ATXN1: variants seen among roughly 807,000 people sequenced by gnomAD.
ATXN1 encodes the protein ataxin-1.
In ATXN1, 8 loss-of-function variants were observed where a neutral mutation model predicts 56.4. That is an observed-to-expected ratio of 0.14 (90% CI 0.08 to 0.26). ATXN1 has a LOEUF of 0.26. Ranked by LOEUF, ATXN1 falls within the 10% of genes least tolerant of loss-of-function variation. ATXN1 has a pLI of 1.00. For missense variants in ATXN1, 987 were observed against 1,106.5 expected (o/e 0.89, Z 1.53); for synonymous variants, 514 against 494.6 (o/e 1.04, Z -0.52).
rs760749324 is a variant in ATXN1, at chr6:16,306,644, T to C, written c.2133A>G (p.Ser711=). ...VDPASVLLKH[S]KADGLAGSRH... is the part of the protein sequence containing the mutation. ...TGCTGCCCGCCAGGCCGTCGGCCTT[T>C]GAGTGCTTCAGCAGGACGCTGGCGG... The change falls in exon 8 of 8, where the codon TCA becomes TCG. Residue 711 remains serine, a synonymous_variant. Transcript: ENST00000436367. This position sits in a 1 kb window ranked among gnomAD's most constrained non-coding sequence, Gnocchi z 5.2. 7.4e-6 allele frequency: 12 copies of C among 1,614,232 alleles called. No homozygotes were observed. The highest frequency in any genetic ancestry group is 2.2e-5 in the South Asian group (2 of 91,090).
chr6:16,347,936 C>G (rs183907495), intron 6 of ATXN1, among the ~76,000 whole-genome samples: 1 of 152,180 alleles, frequency 6.6e-6, no homozygotes, highest in Admixed American at 6.5e-5. Context: ...ATCTATACTG[C>G]CTGTATGAGC....
intron 6 of ATXN1, among the ~76,000 whole-genome samples, chr6:16,429,432 T>G (rs1474418722): frequency 6.7e-6 from 1 of 148,328 alleles, no homozygotes; most frequent in African/African-American, 2.5e-5. Flanking sequence ...TTCGTTTTTT[T>G]TTTTTTTTTT....
intron 3 of ATXN1, among the ~76,000 whole-genome samples, chr6:16,654,167 T>C (rs1194998758): frequency 1.3e-5 from 2 of 152,204 alleles, no homozygotes; most frequent in Non-Finnish European, 2.9e-5. Context: ...TGTGCAATTG[T>C]GCTGATGGCA....
Position 16,306,543 on chromosome 6 carries a change from T to C in ATXN1, c.2234A>G (p.Lys745Arg). Reference sequence around the variant, plus strand: ...AGGCAATCCCATTTTCTCTGGAAACTTCAGTTCGCCATTCTCAGAGAGCAT... The same window carrying C: ...AGGCAATCCCATTTTCTCTGGAAACCTCAGTTCGCCATTCTCAGAGAGCAT... ...AQMLSENGEL[K>R]FPEKMGLPAA... is the part of the protein sequence containing the mutation. Residue 745 changes from lysine to arginine, a missense_variant, in exon 8 of 8, where the codon AAG becomes AGG. Around this residue, in one of 3 missense-constraint regions of ATXN1, gnomAD observed 196 missense variants for 196.7 expected, o/e 1.00. Coordinates refer to ENST00000436367, the MANE Select transcript of ATXN1 (RefSeq NM_001128164.2). The surrounding 1 kb of genome is among the most constrained non-coding windows in gnomAD (Gnocchi z 5.2). 1 of 1,614,212 alleles carries C rather than the reference T, an allele frequency of 6.2e-7. No homozygotes were observed. Among genetic ancestry groups the C allele is most frequent in the Non-Finnish European group, 8.5e-7 (1 of 1,180,022 alleles).
intron 6 of ATXN1, among the ~76,000 whole-genome samples, chr6:16,443,428 G>A (rs1759564452): frequency 6.6e-6 from 1 of 152,002 alleles, no homozygotes; most frequent in African/African-American, 2.4e-5. Context: ...AAGCCTCTTA[G>A]GAAGTCTCAA....
At chr6:16,624,317 CT>C (rs1763369844) in intron 3 of ATXN1, among the ~76,000 whole-genome samples, 1 of 148,048 alleles carries the variant, frequency 6.8e-6, no homozygotes, top group East Asian at 2.0e-4. Flanking sequence ...CACCATCACA[CT>C]CCAGCCTGGG....
intron 5 of ATXN1, among the ~76,000 whole-genome samples, chr6:16,491,000 C>T (rs1232170454): frequency 6.6e-6 from 1 of 150,856 alleles, no homozygotes; most frequent in African/African-American, 2.4e-5. Context: ...CTTCCCAGTA[C>T]AGAGAAAAGC....
At chr6:16,702,794 C>T (rs1348530335) in intron 2 of ATXN1, among the ~76,000 whole-genome samples, 1 of 152,166 alleles carries the variant, frequency 6.6e-6, no homozygotes, top group African/African-American at 2.4e-5. Flanking sequence ...CCATCTCACA[C>T]CAGTTAGAAT....
At chr6:16,666,520 C>CTT in intron 2 of ATXN1, 1 of 153,570 alleles carries the variant, frequency 6.5e-6, no homozygotes, top group Admixed American at 6.6e-5. Context: ...TTCTTTCTTT[C>CTT]TTTTTTTTTG....
At chr6:16,630,745 T>C (rs1408016012) in intron 3 of ATXN1, among the ~76,000 whole-genome samples, 1 of 152,216 alleles carries the variant, frequency 6.6e-6, no homozygotes, top group Non-Finnish European at 1.5e-5. Context: ...TAATGATACT[T>C]GTCAGAAGAT....
At chr6:16,435,216 G>C (rs1170144134) in intron 6 of ATXN1, among the ~76,000 whole-genome samples, 3 of 152,136 alleles carry the variant, frequency 2.0e-5, no homozygotes, top group Admixed American at 6.5e-5. Context: ...AGGTGACATT[G>C]TGATACCCCA....
chr6:16,385,516 C>T (rs975224922), intron 6 of ATXN1, among the ~76,000 whole-genome samples: 4 of 152,192 alleles, frequency 2.6e-5, no homozygotes, highest in African/African-American at 9.6e-5. Flanking sequence ...CATGGAGGAA[C>T]AGCATAGGGG....
At chr6:16,393,903 C>CTTTTTT (rs367640759) in intron 6 of ATXN1, among the ~76,000 whole-genome samples, 1 of 127,592 alleles carries the variant, frequency 7.8e-6, no homozygotes. Flanking sequence ...ATGGAATCAC[C>CTTTTTT]TTTTTTTTTT....
Position 16,306,313 on chromosome 6 carries a change from T to C in ATXN1, c.*16A>G. On this transcript the variant is annotated 3_prime_UTR_variant, in exon 8 of 8. Transcript: ENST00000436367. The surrounding 1 kb of genome is among the most constrained non-coding windows in gnomAD (Gnocchi z 5.2). ...ATGATAAGGGAGAGCCACGTTTCCT[T>C]TCCCCCACGCTGCCTCTACTTGCCT... The C allele has an allele frequency of 4.4e-6, 7 of 1,580,580 alleles. No individual in the cohort carries two copies. Among genetic ancestry groups the C allele is most frequent in the Non-Finnish European group, 6.0e-6 (7 of 1,165,842 alleles).
At chr6:16,377,262 A>G (rs1762158569) in intron 6 of ATXN1, among the ~76,000 whole-genome samples, 4 of 152,212 alleles carry the variant, frequency 2.6e-5, no homozygotes, top group Non-Finnish European at 5.9e-5. Flanking sequence ...TAGCAGTCCA[A>G]ATGGACTAAG....
intron 4 of ATXN1, among the ~76,000 whole-genome samples, chr6:16,559,371 C>CAA (rs377598266): frequency 1.9e-4 from 22 of 113,038 alleles, no homozygotes; most frequent in African/African-American, 6.2e-4. Context: ...TGGAAACAAC[C>CAA]AAAAAAAAAA....
chr6:16,545,384 A>G (rs546789570), intron 4 of ATXN1, among the ~76,000 whole-genome samples: 2 of 148,298 alleles, frequency 1.3e-5, no homozygotes, highest in South Asian at 2.1e-4. Context: ...TTGAGGAAGG[A>G]TTTCTTGTCT....
intron 6 of ATXN1, among the ~76,000 whole-genome samples, chr6:16,341,613 G>A (rs1761250857): frequency 6.6e-6 from 1 of 150,582 alleles, no homozygotes; most frequent in African/African-American, 2.5e-5. Flanking sequence ...CCACCTCCCG[G>A]GTTCACACCA....
chr6:16,627,150 C>T (rs1763420629), intron 3 of ATXN1, among the ~76,000 whole-genome samples: 1 of 152,172 alleles, frequency 6.6e-6, no homozygotes, highest in African/African-American at 2.4e-5. Flanking sequence ...CATATGTCCA[C>T]TTCTGGTTCC....
Sources: allele counts gnomAD v4.1 joint callset (sites outside exome capture counted in the v4.1 genomes callset), GRCh38; gene constraint gnomAD v4.1.1; regional missense constraint gnomAD v4.1.1; non-coding constraint Gnocchi (gnomAD v3.1); transcripts MANE v1.5; gene names NCBI Gene and HGNC (gene_info 2026-07-23, HGNC 2026-07-21).